The following ZNF846 variants were observed in gnomAD, a reference collection of about 807,000 sequenced individuals.
The protein encoded by ZNF846 is zinc finger protein 846.
A neutral mutation model predicts 16.0 loss-of-function variants in ZNF846; 15 were observed. That is an observed-to-expected ratio of 0.94 (90% CI 0.63 to 1.45). The LOEUF is 1.45. Among genes scored for constraint, ZNF846 ranks in the 40% most tolerant of loss-of-function variants. The pLI, the probability that ZNF846 is intolerant of heterozygous loss-of-function variation, is 0.00. For synonymous variants in ZNF846, 229 were observed against 212.0 expected (o/e 1.08, Z -0.70); for missense variants, 714 against 622.3 (o/e 1.15, Z -1.57).
intron 1 of ZNF846, among the ~76,000 whole-genome samples, chr19:9,776,109 C>T (rs750600827): frequency 3.9e-5 from 6 of 152,226 alleles, no homozygotes; most frequent in Non-Finnish European, 7.3e-5. Flanking sequence ...TCTGGGAAGA[C>T]GTCCATTGCC....
chr19:9,772,599 A>G (rs80064507), upstream of ZNF846, among the ~76,000 whole-genome samples: 1 of 106,334 alleles, frequency 9.4e-6, no homozygotes, highest in South Asian at 3.2e-4. Flanking sequence ...TCCGTCTCAG[A>G]AAAAAAAAAA....
chr19:9,783,526 T>TA (rs1161223088), intron 1 of ZNF846, among the ~76,000 whole-genome samples: 3,212 of 106,140 alleles, frequency 0.03, 71 homozygotes, highest in Non-Finnish European at 0.046. Context: ...GTCTCATCAC[T>TA]AAAAAAAAAA....
At chr19:9,780,234 C>G (rs1218002921) in intron 1 of ZNF846, among the ~76,000 whole-genome samples, 1 of 151,684 alleles carries the variant, frequency 6.6e-6, no homozygotes, top group Non-Finnish European at 1.5e-5. Flanking sequence ...TGCTATATAG[C>G]CCAGGCTGGA....
rs2045239110 is a variant in ZNF846, at chr19:9,762,032, C to G, written c.229+50G>C. On this transcript the variant is annotated intron_variant, in intron 4 of 5. Coordinates refer to ENST00000397902, the Ensembl canonical transcript of ZNF846. ...AACATTTCCAATGTACTGCATGTCT[C>G]CTAGGGTGGCACAGCAGTGCCATAA... 2.7e-6 allele frequency: 4 copies of G among 1,471,310 alleles called. No homozygotes were observed. The East Asian group carries it at 9.0e-5, about 33-fold the overall frequency. The allele number at this position is 1,471,310 out of a possible 1,614,324, so 91.1% of individuals were successfully genotyped here. A position where few individuals can be genotyped will look rare whatever the true frequency, so the allele number is the denominator to read the frequency against.
At chr19:9,768,539 C>CGGG (rs35511604) in exon 1 of ZNF846, 3 of 152,370 alleles carry the variant, frequency 2.0e-5, no homozygotes, top group African/African-American at 7.2e-5. Context: ...GGGGTCCTGG[C>CGGG]GGGGAGGAGG....
At chr19:9,772,303 A>C (rs1342447069), upstream of ZNF846, among the ~76,000 whole-genome samples, 1 of 152,114 alleles carries the variant, frequency 6.6e-6, no homozygotes, top group Admixed American at 6.6e-5. Flanking sequence ...TAACATTGAT[A>C]TAAAATGTGG....
At chr19:9,780,511 G>A (rs1310017308) in intron 1 of ZNF846, among the ~76,000 whole-genome samples, 2 of 151,868 alleles carry the variant, frequency 1.3e-5, no homozygotes, top group Non-Finnish European at 2.9e-5. Flanking sequence ...GTGCAGTGGT[G>A]TGATCTCAGC....
At chr19:9,749,643 T>C (rs938121198), downstream of ZNF846, among the ~76,000 whole-genome samples, 4 of 151,134 alleles carry the variant, frequency 2.6e-5, no homozygotes, top group African/African-American at 9.8e-5. Flanking sequence ...TCCAGCATAG[T>C]ATCAACCTCA....
At position 9,763,410 on chromosome 19, in the gene ZNF846, T is replaced by C. The variant is rs755395877; in HGVS notation, c.16-2A>G. The stretch of plus-strand genomic sequence containing the variant: ...CACATCCTCAAAGGTCACTAAGTGC[T>C]AAACCATTAAATACATGCCAGCTTC... On this transcript the variant is annotated splice_acceptor_variant, in intron 2 of 5. Transcript: ENST00000397902. LOFTEE classifies it high-confidence loss of function. 3 of 1,595,528 alleles carry C rather than the reference T, an allele frequency of 1.9e-6. No individual in the cohort carries two copies. The East Asian group carries it at 6.7e-5, about 36-fold the overall frequency.
chr19:9,775,578 T>C lies in ZNF846; in HGVS notation c.-86+10360A>G, dbSNP rs1430055433. Among the ~76,000 whole-genome samples, 8 of 152,126 alleles carry C rather than the reference T, an allele frequency of 5.3e-5. 1 individual carries two copies. The highest frequency in any genetic ancestry group is 2.1e-4 in the South Asian group (1 of 4,828). ...CCATCTGGAAAAAGACAAAATTACA[T>C]GGATAACTCACACCATTCACAAAAT... On this transcript the variant is annotated intron_variant, in intron 1 of 4. Coordinates refer to the ZNF846 transcript ENST00000586814.
intron 5 of ZNF846, 89 bp downstream of exon 5, chr19:9,759,771 C>G: frequency 1.0e-6 from 1 of 983,562 alleles, no homozygotes; most frequent in South Asian, 1.6e-5. Context: ...TTTGTTTTCT[C>G]TGGGTAAATG....
chr19:9,779,216 T>C (rs1042481939), intron 1 of ZNF846, among the ~76,000 whole-genome samples: 3 of 152,206 alleles, frequency 2.0e-5, no homozygotes, highest in African/African-American at 7.2e-5. Flanking sequence ...AAGAGGTTGG[T>C]TCCTTTGGAA....
At position 9,763,268 on chromosome 19, in the gene ZNF846, G is replaced by A; in HGVS notation, c.142+14C>T. 2 of 1,557,784 alleles carry A rather than the reference G, an allele frequency of 1.3e-6. No homozygotes were observed. Among genetic ancestry groups the A allele is most frequent in the South Asian group, 2.4e-5 (2 of 82,660 alleles). ...TTCCTAAAGGGGTCAGTGAAGAAAT[G>A]ATGCCAGTTTTACCTAGTATAATGA... On this transcript the variant is annotated intron_variant, in intron 3 of 5. Coordinates refer to ENST00000397902, the Ensembl canonical transcript of ZNF846.
At chr19:9,752,411 C>T in exon 6 of ZNF846, 1 of 376,918 alleles carries the variant, frequency 2.7e-6, no homozygotes, top group Non-Finnish European at 5.4e-6. Context: ...AGTTTGACAC[C>T]AGCCTGGACA....
chr19:9,758,454 A>G, exon 6 of ZNF846: 1 of 1,613,516 alleles, frequency 6.2e-7, no homozygotes, highest in Non-Finnish European at 8.5e-7. Flanking sequence ...TGACTGATTA[A>G]GAAAAGTTCT....
At chr19:9,758,191 A>G (rs545647864) in exon 6 of ZNF846, 1 of 1,613,102 alleles carries the variant, frequency 6.2e-7, no homozygotes, top group African/African-American at 1.3e-5. Flanking sequence ...TCAGTAAGGT[A>G]TGAAGAATGG....
At chr19:9,752,362 C>A in exon 6 of ZNF846, 1 of 283,880 alleles carries the variant, frequency 3.5e-6, no homozygotes, top group South Asian at 3.0e-5. Context: ...AATCCCAGCA[C>A]TTTGGGAGGC....
chr19:9,767,454 A>G (rs1454002455), intron 1 of ZNF846, among the ~76,000 whole-genome samples: 1 of 152,106 alleles, frequency 6.6e-6, no homozygotes, highest in Non-Finnish European at 1.5e-5. Context: ...ATTGATCTAC[A>G]CAAGAGATGC....
At chr19:9,756,343 GTGTATATATATATATATATATATA>G (rs1456877521), downstream of ZNF846, 4 of 71,192 alleles carry the variant, frequency 5.6e-5, no homozygotes, top group Admixed American at 3.0e-4. Context: ...GTGTGTGTGT[GTGTATATATATATATATATATATA>G]TATATATATA....
Sources: allele counts gnomAD v4.1 joint callset (sites outside exome capture counted in the v4.1 genomes callset), GRCh38; gene constraint gnomAD v4.1.1; transcripts MANE v1.5; gene names NCBI Gene and HGNC (gene_info 2026-07-23, HGNC 2026-07-21).